The following OR6K6 variants were observed in gnomAD, a reference collection of about 807,000 sequenced individuals.
OR6K6 encodes olfactory receptor 6K6.
Under a neutral mutation model 8.1 loss-of-function variants are expected in OR6K6, and 9 were observed. The observed-to-expected ratio is 1.11, with a 90% CI of 0.67 to 1.94. The LOEUF (loss-of-function observed/expected upper bound fraction) is 1.94. Among genes scored for constraint, OR6K6 ranks in the 30% most tolerant of loss-of-function variants. OR6K6 has a pLI of 0.00. For synonymous variants in OR6K6, 156 were observed against 140.3 expected (o/e 1.11, Z -0.79); for missense variants, 400 against 383.1 (o/e 1.04, Z -0.37).
exon 1 of OR6K6, chr1:158,755,754 C>G (rs778969207): frequency 1.9e-6 from 3 of 1,614,008 alleles, no homozygotes; most frequent in Non-Finnish European, 2.5e-6. Context: ...CCTTTTTCAA[C>G]CCCATCATCT....
At chr1:158,754,939 T>C (rs763708518) in exon 1 of OR6K6, 1 of 1,614,194 alleles carries the variant, frequency 6.2e-7, no homozygotes, top group Admixed American at 1.7e-5. Context: ...TGAGTTCCTC[T>C]TCTCTATGTT....
chr1:158,755,152 C>T (rs746091290), exon 1 of OR6K6: 4 of 1,614,008 alleles, frequency 2.5e-6, no homozygotes, highest in Non-Finnish European at 3.4e-6. Flanking sequence ...GCTGTCCTGC[C>T]TAATCAGTGA....
chr1:158,754,964 G>C (rs1656952159), exon 1 of OR6K6: 2 of 1,614,192 alleles, frequency 1.2e-6, no homozygotes, highest in South Asian at 2.2e-5. Context: ...CATGCGCACA[G>C]AGGTGGCCTC....
At position 158,754,806 on chromosome 1, in the gene OR6K6, A is replaced by G; in HGVS notation, c.-82A>G. 5 of 1,583,098 alleles carry G rather than the reference A, an allele frequency of 3.2e-6. No homozygotes were observed. The South Asian group carries it at 5.7e-5, about 18-fold the overall frequency. On this transcript the variant is annotated 5_prime_UTR_variant, in exon 1 of 1. Transcript: ENST00000641861. ...CCAGAATCAGCTTGAGTAACTCATT[A>G]CAGAAAGGAATGAAGCAATATTCAG...
At chr1:158,755,227 A>G in exon 1 of OR6K6, 1 of 1,614,028 alleles carries the variant, frequency 6.2e-7, no homozygotes, top group South Asian at 1.1e-5. Context: ...ACTTGGTATC[A>G]CAGAAAGCTG....
chr1:158,754,740 G>A, exon 1 of OR6K6: 1 of 1,147,116 alleles, frequency 8.7e-7, no homozygotes, highest in Non-Finnish European at 1.3e-6. Context: ...TGGCATGGAG[G>A]TAAAGCTTAA....
exon 1 of OR6K6, chr1:158,755,497 G>A: frequency 2.5e-6 from 4 of 1,614,132 alleles, no homozygotes; most frequent in Non-Finnish European, 3.4e-6. Flanking sequence ...CATTGTGGAT[G>A]CCATCCATGC....
exon 1 of OR6K6, chr1:158,754,803 A>C (rs1222000170): frequency 6.3e-7 from 1 of 1,581,698 alleles, no homozygotes; most frequent in South Asian, 1.1e-5. Flanking sequence ...TGAGTAACTC[A>C]TTACAGAAAG....
rs372613332 is a variant in OR6K6 at position 158,755,546 on chromosome 1, C to A, written c.659C>A (p.Ser220Tyr). The A allele has an allele frequency of 8.2e-5, 133 of 1,614,206 alleles. No homozygotes were observed. In the African/African-American group the frequency reaches 1.6e-3, roughly 19 times the overall value. Residue 220 changes from serine to tyrosine, a missense_variant, in exon 1 of 1, where the codon TCC (serine) becomes TAC (tyrosine). Physicochemically the swap from Ser to Tyr is moderately radical, Grantham distance 144 (BLOSUM62 -2). Transcript: ENST00000641861. ...GCCTCCTTCCTGGTCATTGCTCTAT[C>A]CTACATCCGGATTATTATAGTGATT...
exon 1 of OR6K6, chr1:158,755,854 A>G: frequency 6.4e-7 from 1 of 1,567,194 alleles, no homozygotes; most frequent in Non-Finnish European, 8.6e-7. Flanking sequence ...ATAGATACAG[A>G]TCCTGGAGAC....
chr1:158,755,047 C>T lies in OR6K6; in HGVS notation c.160C>T (p.Gln54Ter), dbSNP rs1246786379. Residue 54 changes from glutamine to a stop codon, truncating the protein, a stop_gained, in exon 1 of 1, where the codon CAG (glutamine) becomes TAG (stop). Coordinates refer to ENST00000641861, the Ensembl canonical transcript of OR6K6. LOFTEE classifies it high-confidence loss of function. ...AAACCTAATAATGTTCATTGTCATCCAGGTGGGCATGGCCCTGCACACCCC... is the reference window on the plus strand; with the variant it reads ...AAACCTAATAATGTTCATTGTCATCTAGGTGGGCATGGCCCTGCACACCCC... 2 of 1,614,062 alleles carry T rather than the reference C, an allele frequency of 1.2e-6. No individual in the cohort carries two copies. Among genetic ancestry groups the T allele is most frequent in the East Asian group, 2.2e-5 (1 of 44,886 alleles).
chr1:158,755,589 T>G, exon 1 of OR6K6: 3 of 1,614,216 alleles, frequency 1.9e-6, no homozygotes, highest in Non-Finnish European at 2.5e-6. Flanking sequence ...TGCACTCAGC[T>G]GAAGGTCATC....
rs761008328 is a variant in OR6K6 at position 158,755,012 on chromosome 1, T to G, written c.125T>G (p.Ile42Ser). ...CCCTTGCTTCTCATCTACGGATTTA[T>G]CCTAACTGGAAACCTAATAATGTTC... Residue 42 changes from isoleucine to serine, a missense_variant, in exon 1 of 1, where the codon ATC becomes AGC. By Grantham distance (142) the Ile-to-Ser change is moderately radical. Transcript: ENST00000641861. 29 of 1,614,162 alleles carry G rather than the reference T, an allele frequency of 1.8e-5. No homozygotes were observed. The South Asian group carries it at 3.2e-4, about 18-fold the overall frequency.
At chr1:158,755,799 T>C (rs1182049766) in exon 1 of OR6K6, 2 of 1,613,244 alleles carry the variant, frequency 1.2e-6, no homozygotes, top group East Asian at 4.5e-5. Flanking sequence ...AAGAGGCTAT[T>C]GGAAGGCTTT....
exon 1 of OR6K6, chr1:158,754,871 C>G: frequency 4.3e-6 from 7 of 1,613,726 alleles, no homozygotes; most frequent in Non-Finnish European, 5.9e-6. Context: ...CTCTTGTTTC[C>G]TTTTCTGTGT....
chr1:158,755,817 T>C, exon 1 of OR6K6: 2 of 1,611,252 alleles, frequency 1.2e-6, no homozygotes, highest in South Asian at 2.2e-5. Context: ...TTTTCCACTA[T>C]CAGAAGAGGG....
chr1:158,755,037 C>T, exon 1 of OR6K6: 1 of 1,614,120 alleles, frequency 6.2e-7, no homozygotes, highest in Admixed American at 1.7e-5. Context: ...TAATAATGTT[C>T]ATTGTCATCC....
At chr1:158,755,551 A>T in exon 1 of OR6K6, 1 of 1,613,886 alleles carries the variant, frequency 6.2e-7, no homozygotes, top group Non-Finnish European at 8.5e-7. Context: ...TCTATCCTAC[A>T]TCCGGATTAT....
Position 158,755,195 on chromosome 1 carries a change from T to G in OR6K6, c.308T>G (p.Leu103Arg), listed in dbSNP as rs770279310. The change falls in exon 1 of 1, where the codon CTG (leucine) becomes CGG (arginine). Residue 103 changes from leucine to arginine, a missense_variant. Transcript: ENST00000641861. ...AGCATTTCCGTGGCTGGCTGCCTCCTGCAGATGTACTTTTTCCACTCACTT... is the reference window on the plus strand; with the variant it reads ...AGCATTTCCGTGGCTGGCTGCCTCCGGCAGATGTACTTTTTCCACTCACTT... The G allele has an allele frequency of 2.8e-5, 45 of 1,614,020 alleles. No homozygotes were observed. In the East Asian group the frequency reaches 9.4e-4, roughly 34 times the overall value.
Sources: allele counts gnomAD v4.1 joint callset, GRCh38; gene constraint gnomAD v4.1.1; transcripts MANE v1.5; gene names NCBI Gene and HGNC (gene_info 2026-07-23, HGNC 2026-07-21).